The following CSMD3 variants were observed in gnomAD, a reference collection of about 807,000 sequenced individuals.
CSMD3 encodes CUB and sushi domain-containing protein 3.
A neutral mutation model predicts 435.2 loss-of-function variants in CSMD3; 177 were observed. That is an observed-to-expected ratio of 0.41 (90% confidence interval 0.36 to 0.46). The LOEUF (loss-of-function observed/expected upper bound fraction) is 0.46. CSMD3 is among the 20% of genes least tolerant of loss of function. The probability of loss-of-function intolerance (pLI) is 0.34; values close to 1 mark genes in which losing one functional copy is unlikely to be tolerated. For missense variants in CSMD3, 4,265 were observed against 4,504.6 expected, an observed-to-expected ratio of 0.95 and a Z score of 1.52; for synonymous variants, 1,656 against 1,520.5, an observed-to-expected ratio of 1.09 and a Z score of -2.07.
intron 6 of CSMD3, among the ~76,000 whole-genome samples, chr8:112,989,852 C>A (rs2085387391): frequency 6.6e-6 from 1 of 151,986 alleles, no homozygotes; most frequent in Non-Finnish European, 1.5e-5. Flanking sequence ...TGTCCCCACC[C>A]AAATCTCATC....
intron 7 of CSMD3, among the ~76,000 whole-genome samples, chr8:112,970,091 A>T (rs2084587856): frequency 6.6e-6 from 1 of 152,080 alleles, no homozygotes; most frequent in Admixed American, 6.6e-5. Flanking sequence ...CCACAAAATA[A>T]TGATATTTAC....
Position 112,587,241 on chromosome 8 carries a change from G to T in CSMD3, c.3716-6C>A. ...TGCAGATGCACCACATTCAGCTGCA[G>T]GTAAAACAGAATATTGAAGTACAGT... On this transcript the variant is annotated splice_polypyrimidine_tract_variant and splice_region_variant and intron_variant, in intron 22 of 70. Coordinates refer to ENST00000297405, the MANE Select transcript of CSMD3 (RefSeq NM_198123.2). The T allele has an allele frequency of 6.2e-7, 1 of 1,601,322 alleles. No individual in the cohort carries two copies.
chr8:112,825,177 A>G (rs955522423), intron 12 of CSMD3, among the ~76,000 whole-genome samples: 1 of 151,998 alleles, frequency 6.6e-6, no homozygotes. Flanking sequence ...ATTTCTCTCT[A>G]TACTGGTTAT....
chr8:112,841,690 A>G (rs949958453), intron 11 of CSMD3, among the ~76,000 whole-genome samples: 3 of 151,776 alleles, frequency 2.0e-5, no homozygotes, highest in African/African-American at 7.3e-5. Context: ...TCTAAGGCAC[A>G]TGAGGTGCTT....
At chr8:112,803,738 T>C (rs1442800708) in intron 12 of CSMD3, among the ~76,000 whole-genome samples, 3 of 152,174 alleles carry the variant, frequency 2.0e-5, no homozygotes, top group Non-Finnish European at 4.4e-5. Context: ...GCTGATGCCA[T>C]TGAGAAGTTA....
intron 1 of CSMD3, among the ~76,000 whole-genome samples, chr8:113,381,422 T>C (rs1420042387): frequency 6.6e-6 from 1 of 152,112 alleles, no homozygotes; most frequent in East Asian, 1.9e-4. Context: ...AGAAAAAGAA[T>C]GCAAAATTGA....
In CSMD3 at chr8:112,787,782, A is replaced by G. The variant is rs915015204; in HGVS notation, c.1972+12380T>C. 2.6e-5 allele frequency among the ~76,000 whole-genome samples: 4 copies of G among 152,260 alleles called. No individual in the cohort carries two copies. The East Asian group carries it at 7.7e-4, about 29-fold the overall frequency. ...TAGAGAGTAGAATGATGGTAACCAG[A>G]GGCTGGGAATGAAAGTGGGGTGGTC... is the stretch of plus-strand genomic sequence containing the variant. On this transcript the variant is annotated intron_variant, in intron 13 of 70. Coordinates refer to ENST00000297405, the MANE Select transcript of CSMD3 (RefSeq NM_198123.2).
chr8:112,582,844 T>G (rs1830434900), intron 23 of CSMD3, among the ~76,000 whole-genome samples: 1 of 151,984 alleles, frequency 6.6e-6, no homozygotes, highest in Admixed American at 6.6e-5. Context: ...CTCAAAAAAC[T>G]TATTCATCCC....
In CSMD3 at chr8:113,352,272, G is replaced by A. The variant is rs527681478; in HGVS notation, c.179-37479C>T. 6.2e-4 allele frequency among the ~76,000 whole-genome samples: 94 copies of A among 150,918 alleles called. 1 individual carries two copies. The highest frequency in any genetic ancestry group is 2.2e-3 in the African/African-American group (93 of 41,430). On this transcript the variant is annotated intron_variant, in intron 1 of 70. Transcript: ENST00000297405. ...TATGATGCGTATGCCTGTAAGAAAC[G>A]GAAAAAGAGAAGACACACAGAGATA...
intron 20 of CSMD3, among the ~76,000 whole-genome samples, chr8:112,644,340 G>T (rs1375310507): frequency 6.6e-6 from 1 of 151,874 alleles, no homozygotes; most frequent in Non-Finnish European, 1.5e-5. Flanking sequence ...TTGTTTAGCA[G>T]TCCCTCTTAT....
At chr8:113,379,862 T>A (rs2094407581) in intron 1 of CSMD3, among the ~76,000 whole-genome samples, 1 of 152,216 alleles carries the variant, frequency 6.6e-6, no homozygotes, top group Non-Finnish European at 1.5e-5. Context: ...TACATTGTTT[T>A]TGCACTAGAG....
At chr8:112,296,977 C>G (rs1820355967) in intron 53 of CSMD3, among the ~76,000 whole-genome samples, 1 of 151,690 alleles carries the variant, frequency 6.6e-6, no homozygotes, top group African/African-American at 2.4e-5. Context: ...CATTTTAACA[C>G]TTCAGAAGAA....
chr8:113,169,237 G>T (rs540157944), intron 4 of CSMD3, among the ~76,000 whole-genome samples: 1 of 152,146 alleles, frequency 6.6e-6, no homozygotes, highest in Admixed American at 6.5e-5. Context: ...AATAAAACTT[G>T]GAAGATTTAT....
At chr8:113,035,182 T>C (rs2087289495) in intron 5 of CSMD3, among the ~76,000 whole-genome samples, 1 of 151,962 alleles carries the variant, frequency 6.6e-6, no homozygotes, top group Admixed American at 6.6e-5. Context: ...CCTTGTTCTT[T>C]GAAAAAATCA....
chr8:112,508,643 C>A (rs2130941521), intron 28 of CSMD3, among the ~76,000 whole-genome samples: 1 of 152,138 alleles, frequency 6.6e-6, no homozygotes, highest in South Asian at 2.1e-4. Flanking sequence ...CTTTGTTTAG[C>A]CTTCTCTAAA....
At chr8:112,644,975 A>C in intron 20 of CSMD3, 134 bp downstream of exon 20, 1 of 700,188 alleles carries the variant, frequency 1.4e-6, no homozygotes, top group Non-Finnish European at 2.6e-6. Context: ...ATTTAAATTG[A>C]AATGTGTTTT....
intron 32 of CSMD3, among the ~76,000 whole-genome samples, chr8:112,413,127 G>A (rs1811529557): frequency 1.3e-5 from 2 of 152,044 alleles, no homozygotes; most frequent in African/African-American, 4.8e-5. Flanking sequence ...ATCACTTAGA[G>A]GAAAACTAAT....
chr8:113,418,470 C>T (rs1331609481), intron 1 of CSMD3, among the ~76,000 whole-genome samples: 5 of 151,934 alleles, frequency 3.3e-5, no homozygotes, highest in Non-Finnish European at 5.9e-5. Flanking sequence ...CCAACTGTGA[C>T]GTGTATTGAA....
rs775160172 is a variant in CSMD3 at position 112,318,860 on chromosome 8, T to A, written c.7337A>T (p.Asp2446Val). Residue 2446 changes from aspartate (D) to valine (V), a missense_variant, in exon 47 of 71, where the codon GAT (aspartate) becomes GTT (valine). Asp to Val is a radical substitution (Grantham distance 152, BLOSUM62 -3). This residue lies in a region of CSMD3 where 3,255 missense variants were observed against 3,380.2 expected (regional missense o/e 0.96). Coordinates refer to ENST00000297405, the MANE Select transcript of CSMD3 (RefSeq NM_198123.2). Reference sequence around the variant, plus strand: ...ACCTTGACAAACTGGAGGTGCTCCATCCATCTGCAGTCGTTCTCCTAATCT... The same window carrying A: ...ACCTTGACAAACTGGAGGTGCTCCAACCATCTGCAGTCGTTCTCCTAATCT... Reference protein sequence around the residue: ...TCRLGERLQMDGAPPVCQVLC... With the variant: ...TCRLGERLQMVGAPPVCQVLC... 6.2e-6 allele frequency: 10 copies of A among 1,611,742 alleles called. No individual in the cohort carries two copies. The African/African-American group carries it at 8.0e-5, about 13-fold the overall frequency.
Sources: allele counts gnomAD v4.1 joint callset (sites outside exome capture counted in the v4.1 genomes callset), GRCh38; gene constraint gnomAD v4.1.1; regional missense constraint gnomAD v4.1.1; transcripts MANE v1.5; gene names NCBI Gene and HGNC (gene_info 2026-07-23, HGNC 2026-07-21).